SERINC3: variants seen among roughly 807,000 people sequenced by gnomAD.
The protein encoded by SERINC3 is serine incorporator 3, also known as tumor differentially expressed protein 1.
Under a neutral mutation model 52.1 loss-of-function variants are expected in SERINC3, and 22 were observed. That is an observed-to-expected ratio of 0.42 (90% CI 0.30 to 0.60). SERINC3 has a LOEUF of 0.60. SERINC3 is among the 20% of genes least tolerant of loss of function. SERINC3 has a pLI of 0.16. For missense variants in SERINC3, 564 were observed against 584.6 expected, an observed-to-expected ratio of 0.96 and a Z score of 0.36; for synonymous variants, 226 against 212.7, an observed-to-expected ratio of 1.06 and a Z score of -0.54.
At position 44,499,178 on chromosome 20, in the gene SERINC3, G is replaced by A. The variant is rs1423463806; in HGVS notation, c.*1118C>T. On this transcript the variant is annotated 3_prime_UTR_variant, in exon 10 of 10. Coordinates refer to ENST00000342374, the MANE Select transcript of SERINC3 (RefSeq NM_006811.4). ...TAACACTGTACCCCAAAACCTACAG[G>A]GTCTAGTACAGAATAGACAGTAAAT... The A allele has an allele frequency of 1.3e-5, 2 of 152,188 alleles. No individual in the cohort carries two copies. The highest frequency in any genetic ancestry group is 4.8e-5 in the African/African-American group (2 of 41,402). 9.4% of individuals were successfully genotyped at this position (152,188 alleles called of 1,614,324 possible). A position where few individuals can be genotyped will look rare whatever the true frequency, so the allele number is the denominator to read the frequency against.
At chr20:44,512,569 CA>C (rs958787064) in intron 3 of SERINC3, among the ~76,000 whole-genome samples, 3 of 151,974 alleles carry the variant, frequency 2.0e-5, no homozygotes, top group African/African-American at 7.3e-5. Context: ...GAACATGAAG[CA>C]AAGGAATTTA....
At chr20:44,497,019 C>A (rs2064252669), downstream of SERINC3, among the ~76,000 whole-genome samples, 1 of 152,204 alleles carries the variant, frequency 6.6e-6, no homozygotes, top group Non-Finnish European at 1.5e-5. Context: ...TAGAAGCTTT[C>A]TCCCGGCTTT....
chr20:44,521,903 C>T lies in SERINC3; in HGVS notation c.39+10G>A. The T allele has an allele frequency of 6.2e-7, 1 of 1,607,690 alleles. No individual in the cohort carries two copies. Among genetic ancestry groups the T allele is most frequent in the South Asian group, 1.1e-5 (1 of 89,838 alleles). On this transcript the variant is annotated intron_variant, in intron 1 of 9. Coordinates refer to ENST00000342374, the MANE Select transcript of SERINC3 (RefSeq NM_006811.4). ...GCAGGTCCGGCGAGGACTCGGGACC[C>T]CGAACTCACCCAGCTGGCGAGGGAG...
At chr20:44,507,147 G>T in intron 5 of SERINC3, 151 bp from the exon 6 acceptor site, 1 of 544,866 alleles carries the variant, frequency 1.8e-6, no homozygotes, top group African/African-American at 1.9e-5. Flanking sequence ...CAAGGTTAAA[G>T]TATCAAGATT....
At chr20:44,496,592 G>A (rs549253655), downstream of SERINC3, among the ~76,000 whole-genome samples, 35 of 152,202 alleles carry the variant, frequency 2.3e-4, no homozygotes, top group African/African-American at 8.2e-4. Flanking sequence ...CCAGGAGTTC[G>A]GGACCAGCCT....
chr20:44,506,508 C>G (rs2064314085), intron 6 of SERINC3, among the ~76,000 whole-genome samples: 1 of 145,874 alleles, frequency 6.9e-6, no homozygotes, highest in African/African-American at 2.6e-5. Context: ...CTGCTTGAAC[C>G]CAGGAGGCAG....
In SERINC3 at chr20:44,506,810, G is replaced by A. The variant is rs1257000580; in HGVS notation, c.783+17C>T. 2 of 1,535,928 alleles carry A rather than the reference G, an allele frequency of 1.3e-6. No individual in the cohort carries two copies. The highest frequency in any genetic ancestry group is 1.8e-6 in the Non-Finnish European group (2 of 1,140,054). On this transcript the variant is annotated intron_variant, in intron 6 of 9. Coordinates refer to ENST00000342374, the MANE Select transcript of SERINC3 (RefSeq NM_006811.4). The stretch of plus-strand genomic sequence containing the variant: ...TAAAAACCTTTCACAGGAGAAAGAA[G>A]TAGTAAACAATCATACCTGAATTTT...
intron 3 of SERINC3, 33 bp from the exon 4 acceptor site, chr20:44,511,401 C>CAT: frequency 7.2e-7 from 1 of 1,386,254 alleles, no homozygotes; most frequent in Non-Finnish European, 1.0e-6. Flanking sequence ...TTATGAAATG[C>CAT]TAAGTTTCAC....
At chr20:44,518,602 T>C (rs921163461) in intron 1 of SERINC3, among the ~76,000 whole-genome samples, 1 of 152,176 alleles carries the variant, frequency 6.6e-6, no homozygotes, top group African/African-American at 2.4e-5. Context: ...AAAAAACTTG[T>C]CTTTCCTAAA....
In SERINC3 at chr20:44,516,322, A is replaced by C. The variant is rs562098934; in HGVS notation, c.40-2282T>G. 9.9e-5 allele frequency among the ~76,000 whole-genome samples: 15 copies of C among 152,250 alleles called. No individual in the cohort carries two copies. The East Asian group carries it at 2.9e-3, about 30-fold the overall frequency. ...GTCTCAAAAAAAAAGAGTAACCTAGATCTTTAGTCTGCTAAAATCTGTTAG... is the reference window on the plus strand; with the variant it reads ...GTCTCAAAAAAAAAGAGTAACCTAGCTCTTTAGTCTGCTAAAATCTGTTAG... On this transcript the variant is annotated intron_variant, in intron 1 of 9. Coordinates refer to ENST00000342374, the MANE Select transcript of SERINC3 (RefSeq NM_006811.4).
intron 6 of SERINC3, 66 bp from the exon 7 acceptor site, chr20:44,504,957 C>T: frequency 8.2e-7 from 1 of 1,221,754 alleles, no homozygotes; most frequent in Non-Finnish European, 1.2e-6. Flanking sequence ...AAATGCAGTG[C>T]ACTTCTCTGG....
chr20:44,513,746 G>C, intron 2 of SERINC3, 133 bp downstream of exon 2: 1 of 670,726 alleles, frequency 1.5e-6, no homozygotes, highest in Non-Finnish European at 2.4e-6. Flanking sequence ...TCTGTGTTTT[G>C]ACCACACCCC....
chr20:44,516,820 G>C (rs1017426385), intron 1 of SERINC3, among the ~76,000 whole-genome samples: 4 of 152,162 alleles, frequency 2.6e-5, no homozygotes, highest in African/African-American at 9.7e-5. Flanking sequence ...TCAGCCTCCT[G>C]AGTACAAGCA....
chr20:44,504,171 A>G (rs1331442736), intron 7 of SERINC3, among the ~76,000 whole-genome samples, 176 bp from the exon 8 acceptor site: 1 of 152,206 alleles, frequency 6.6e-6, no homozygotes, highest in Non-Finnish European at 1.5e-5. Flanking sequence ...CAATGACAGA[A>G]TTAGGAAAAA....
chr20:44,512,371 G>A (rs1157009457), intron 3 of SERINC3, among the ~76,000 whole-genome samples: 3 of 148,392 alleles, frequency 2.0e-5, no homozygotes, highest in Non-Finnish European at 4.5e-5. Flanking sequence ...ATAGGTAAAA[G>A]GTGGTCAGGA....
In SERINC3 at chr20:44,497,606, G is replaced by A. The variant is rs2064255393; in HGVS notation, c.*2690C>T. On this transcript the variant is annotated 3_prime_UTR_variant, in exon 10 of 10. Coordinates refer to ENST00000342374, the MANE Select transcript of SERINC3 (RefSeq NM_006811.4). ...GCTGACTCCGCTACTGTAAAGAAAA[G>A]CAGGGTATCTGCTTCACACTGGCAA... The A allele has an allele frequency of 6.6e-6, 1 of 152,346 alleles. No individual in the cohort carries two copies. The highest frequency in any genetic ancestry group is 2.1e-4 in the South Asian group (1 of 4,836). 9.4% of individuals were successfully genotyped at this position (152,346 alleles called of 1,614,324 possible).
At position 44,500,360 on chromosome 20, in the gene SERINC3, C is replaced by T; in HGVS notation, c.1358G>A (p.Cys453Tyr). 1.2e-6 allele frequency: 2 copies of T among 1,607,222 alleles called. No homozygotes were observed. Among genetic ancestry groups the T allele is most frequent in the South Asian group, 1.1e-5 (1 of 89,430 alleles). The change falls in exon 10 of 10, where the codon TGC (cysteine) becomes TAC (tyrosine). Residue 453 changes from cysteine (C) to tyrosine (Y), a missense_variant. Physicochemically the swap from Cys to Tyr is radical, Grantham distance 194 (BLOSUM62 -2). Transcript: ENST00000342374. ...VWVKISSSWVCLLLYVWTLVA... is the reference protein window; with the variant it reads ...VWVKISSSWVYLLLYVWTLVA... Reference sequence around the variant, plus strand: ...AAGGGTCCAGACGTAAAGCAGGAGGCAGACCCAGCTGGAGCTGATCTTGAC... The same window carrying T: ...AAGGGTCCAGACGTAAAGCAGGAGGTAGACCCAGCTGGAGCTGATCTTGAC...
chr20:44,520,203 C>T (rs1166945228), intron 1 of SERINC3, among the ~76,000 whole-genome samples: 3 of 152,180 alleles, frequency 2.0e-5, no homozygotes, highest in African/African-American at 7.2e-5. Context: ...TGGCGAAATC[C>T]CGTCTTTATT....
At chr20:44,517,074 C>T (rs192920623) in intron 1 of SERINC3, among the ~76,000 whole-genome samples, 8 of 152,162 alleles carry the variant, frequency 5.3e-5, no homozygotes, top group African/African-American at 1.9e-4. Flanking sequence ...TGGTTTGCAG[C>T]AGGGTGCTAA....
Sources: allele counts gnomAD v4.1 joint callset (sites outside exome capture counted in the v4.1 genomes callset), GRCh38; gene constraint gnomAD v4.1.1; transcripts MANE v1.5; gene names NCBI Gene and HGNC (gene_info 2026-07-23, HGNC 2026-07-21).